CORO2B: variants seen among roughly 807,000 people sequenced by gnomAD.
The protein encoded by CORO2B is coronin 2B.
Under a neutral mutation model 58.8 loss-of-function variants are expected in CORO2B, and 26 were observed. That is an observed-to-expected ratio of 0.44 (90% CI 0.32 to 0.61). CORO2B has a LOEUF of 0.61. Among genes scored for constraint, CORO2B ranks in the 20% least tolerant of loss-of-function variants. The pLI is 0.04. For synonymous variants in CORO2B, 242 were observed against 253.8 expected, an observed-to-expected ratio of 0.95 and a Z score of 0.44; for missense variants, 460 against 645.1, an observed-to-expected ratio of 0.71 and a Z score of 3.11.
Position 68,695,256 on chromosome 15 carries a change from G to A in CORO2B, c.333G>A (p.Ser111=), listed in dbSNP as rs907182514. ...TTGCCTCGTGCTCGGAGGACACGTCGGTGAGCAGAGGGGTGCTCCCGGAGG... is the reference window on the plus strand; with the variant it reads ...TTGCCTCGTGCTCGGAGGACACGTCAGTGAGCAGAGGGGTGCTCCCGGAGG... ...NIIASCSEDT[S]VRIWEIPEGG... The change falls in exon 3 of 12, where the codon TCG becomes TCA. Residue 111 remains serine (S), a splice_region_variant and synonymous_variant. Transcript: ENST00000261861. The A allele has an allele frequency of 2.5e-6, 4 of 1,611,232 alleles. No homozygotes were observed. The highest frequency in any genetic ancestry group is 2.5e-6 in the Non-Finnish European group (3 of 1,177,768).
the CORO2B span, among the ~76,000 whole-genome samples, chr15:68,541,536 T>C: frequency 1.3e-5 from 2 of 152,188 alleles, no homozygotes; most frequent in Non-Finnish European, 2.9e-5. Flanking sequence ...GGAATCTATA[T>C]CACTGCAGTC....
chr15:68,701,319 C>CT (rs1250435989), intron 3 of CORO2B, among the ~76,000 whole-genome samples: 85 of 147,058 alleles, frequency 5.8e-4, no homozygotes, highest in African/African-American at 2.1e-3. Context: ...TCTTTTTTTT[C>CT]TTTTTTTTGA....
rs1401029089 is a variant in CORO2B at position 68,649,340 on chromosome 15, GTT to G, written c.216+3983_216+3984del. On this transcript the variant is annotated intron_variant, in intron 2 of 11. Transcript: ENST00000261861. ...CTCACACTACCAATTGATTTCTGTT[GTT>G]TTCTCTCATTTCAAGAAGTTTTCAC... is the stretch of plus-strand genomic sequence containing the variant. Among the ~76,000 whole-genome samples the G allele has an allele frequency of 2.0e-5, 3 of 152,014 alleles. No homozygotes were observed. In the East Asian group the frequency reaches 5.8e-4, roughly 29 times the overall value.
In CORO2B at chr15:68,583,704, A is replaced by G. The variant is rs549153399; in HGVS notation, c.15+4427A>G. On this transcript the variant is annotated intron_variant, in intron 1 of 11. Coordinates refer to ENST00000261861, the MANE Select transcript of CORO2B (RefSeq NM_006091.5). The stretch of plus-strand genomic sequence containing the variant: ...AGGCCCCTCTGCCTCCAGTTCCCTG[A>G]CGCAGAATCTAGGTACCCAGGAGAT... Among the ~76,000 whole-genome samples, 3 of 152,314 alleles carry G rather than the reference A, an allele frequency of 2.0e-5. No homozygotes were observed. The South Asian group carries it at 6.2e-4, about 32-fold the overall frequency.
intron 1 of CORO2B, among the ~76,000 whole-genome samples, chr15:68,626,719 C>G (rs146013169): frequency 1.2e-4 from 19 of 152,240 alleles, no homozygotes; most frequent in African/African-American, 4.6e-4. Context: ...AAGTCCATTT[C>G]GTTGGCTGGG....
chr15:68,531,592 A>AAG, the CORO2B span, among the ~76,000 whole-genome samples: 1 of 149,406 alleles, frequency 6.7e-6, no homozygotes, highest in African/African-American at 2.5e-5. Flanking sequence ...AAGAGAAAGA[A>AAG]AGAAGGAAGG....
chr15:68,656,441 T>G (rs1206911837), intron 2 of CORO2B, among the ~76,000 whole-genome samples: 2 of 151,860 alleles, frequency 1.3e-5, no homozygotes, highest in African/African-American at 4.8e-5. Flanking sequence ...GGAGGGGTAG[T>G]GCTTAAAACT....
chr15:68,725,856 T>C lies in CORO2B; in HGVS notation c.1325T>C (p.Phe442Ser). ...PRTENELLRM[F>S]FRQQDEIRRL... ...CCTCCACCCCAGCTCCTTCGAATGT[T>C]CTTCCGGCAGCAGGATGAGATTCGA... The change falls in exon 12 of 12, where the codon TTC becomes TCC. Residue 442 changes from phenylalanine (F) to serine (S), a missense_variant. Around this residue, in one of 2 missense-constraint regions of CORO2B, gnomAD observed 108 missense variants for 102.1 expected, o/e 1.06. Transcript: ENST00000261861. 6.2e-7 allele frequency: 1 copy of C among 1,613,866 alleles called. No homozygotes were observed.
the CORO2B span, among the ~76,000 whole-genome samples, chr15:68,542,779 A>G: frequency 1.3e-5 from 2 of 152,240 alleles, no homozygotes. Context: ...ATATGGCTTC[A>G]CTTAACTTCC....
chr15:68,561,088 C>A, the CORO2B span, among the ~76,000 whole-genome samples: 28 of 152,042 alleles, frequency 1.8e-4, no homozygotes, highest in African/African-American at 6.5e-4. Flanking sequence ...CACCCCGCGT[C>A]CCCCAGGCTC....
the CORO2B span, among the ~76,000 whole-genome samples, chr15:68,563,907 G>C: frequency 6.6e-6 from 1 of 152,274 alleles, no homozygotes; most frequent in South Asian, 2.1e-4. Context: ...GGACCAGAAG[G>C]CTTCACTGGT....
At chr15:68,545,945 A>G in the CORO2B span, among the ~76,000 whole-genome samples, 1 of 152,270 alleles carries the variant, frequency 6.6e-6, no homozygotes, top group African/African-American at 2.4e-5. Flanking sequence ...TTCCTCCCAA[A>G]GGGACTCATT....
intron 2 of CORO2B, among the ~76,000 whole-genome samples, chr15:68,680,295 G>A (rs1472361312): frequency 6.6e-6 from 1 of 152,156 alleles, no homozygotes; most frequent in African/African-American, 2.4e-5. Flanking sequence ...GTACCACTGA[G>A]GTTTCATTCA....
Position 68,695,241 on chromosome 15 carries a change from C to A in CORO2B, c.318C>A (p.Cys106Ter). Residue 106 changes from cysteine to a stop codon, truncating the protein, a stop_gained, in exon 3 of 12, where the codon TGC becomes TGA. Transcript: ENST00000261861. LOFTEE classifies it high-confidence loss of function. ...TCATCGACAACATCATTGCCTCGTG[C>A]TCGGAGGACACGTCGGTGAGCAGAG... is the stretch of plus-strand genomic sequence containing the variant. ...NPFIDNIIAS[C>*]SEDTSVRIWE... The A allele has an allele frequency of 6.2e-7, 1 of 1,613,768 alleles. No homozygotes were observed. The highest frequency in any genetic ancestry group is 8.5e-7 in the Non-Finnish European group (1 of 1,179,772).
Position 68,590,054 on chromosome 15 carries a change from T to A in CORO2B, c.15+10777T>A, listed in dbSNP as rs961430959. On this transcript the variant is annotated intron_variant, in intron 1 of 11. Coordinates refer to ENST00000261861, the MANE Select transcript of CORO2B (RefSeq NM_006091.5). The stretch of plus-strand genomic sequence containing the variant: ...TCCCTCCTTTGTTTCTCTGAAACCA[T>A]GAGAAGGGCCGCTGAGTTGGGAGCC... 2.0e-5 allele frequency among the ~76,000 whole-genome samples: 3 copies of A among 152,242 alleles called. No homozygotes were observed. In the South Asian group the frequency reaches 6.2e-4, roughly 32 times the overall value.
chr15:68,705,490 G>A (rs529910724), intron 3 of CORO2B, among the ~76,000 whole-genome samples: 102 of 150,760 alleles, frequency 6.8e-4, no homozygotes, highest in African/African-American at 2.5e-3. Context: ...CCAGGACCCA[G>A]GGAGGGAAGT....
chr15:68,662,869 AATG>A (rs1185418033), intron 2 of CORO2B, among the ~76,000 whole-genome samples: 1 of 152,224 alleles, frequency 6.6e-6, no homozygotes, highest in Non-Finnish European at 1.5e-5. Context: ...TATGCCAGTA[AATG>A]ATAAGACAGA....
intron 2 of CORO2B, among the ~76,000 whole-genome samples, chr15:68,661,010 T>A (rs1901996529): frequency 6.6e-6 from 1 of 151,868 alleles, no homozygotes; most frequent in African/African-American, 2.4e-5. Flanking sequence ...GACAGACTTT[T>A]GCTGTCGCCC....
the CORO2B span, among the ~76,000 whole-genome samples, chr15:68,564,449 G>A: frequency 2.0e-5 from 3 of 151,974 alleles, no homozygotes; most frequent in African/African-American, 7.3e-5. Flanking sequence ...GACTACAGGA[G>A]CGTGCCACTA....
Sources: gnomAD v4.1 joint callset for allele counts (sites outside exome capture counted in the v4.1 genomes callset) on GRCh38, gnomAD v4.1.1 for gene constraint, gnomAD v4.1.1 regional missense constraint, MANE v1.5 for transcripts, NCBI Gene and HGNC (gene_info 2026-07-23, HGNC 2026-07-21) for gene names.